ARMC8: variants seen among roughly 807,000 people sequenced by gnomAD.
The protein encoded by ARMC8 is armadillo repeat containing 8, also known as armadillo repeat-containing protein 8.
Under a neutral mutation model 99.3 loss-of-function variants are expected in ARMC8, and 20 were observed. The ratio of observed to expected loss-of-function variants is 0.20; its 90% CI spans 0.14 to 0.29. The LOEUF (loss-of-function observed/expected upper bound fraction) is 0.29, where lower values mean the gene tolerates loss of function less well. Ranked by LOEUF, ARMC8 falls within the 10% of genes least tolerant of loss-of-function variation. The pLI is 1.00. For missense variants in ARMC8, 569 were observed against 809.5 expected (o/e 0.70, Z 3.60); for synonymous variants, 263 against 278.3 (o/e 0.95, Z 0.55).
chr3:138,256,069 C>A (rs76653217), intron 12 of ARMC8, among the ~76,000 whole-genome samples: 2 of 152,232 alleles, frequency 1.3e-5, no homozygotes, highest in Non-Finnish European at 2.9e-5. Flanking sequence ...TACATTGGAG[C>A]AGTGGCACAG....
At chr3:138,250,766 T>C (rs79390513) in intron 12 of ARMC8, among the ~76,000 whole-genome samples, 2,031 of 152,332 alleles carry the variant, frequency 0.013, 44 homozygotes, top group African/African-American at 0.045. Flanking sequence ...TGAACCAATG[T>C]AATTTTTTCT....
At chr3:138,196,776 A>G (rs2043758614) in intron 1 of ARMC8, among the ~76,000 whole-genome samples, 1 of 152,166 alleles carries the variant, frequency 6.6e-6, no homozygotes. Flanking sequence ...CTGAGGCAGG[A>G]GAATTGCTTG....
chr3:138,266,966 G>A (rs114570711), intron 14 of ARMC8, among the ~76,000 whole-genome samples, 189 bp from the exon 15 acceptor site: 1,828 of 152,278 alleles, frequency 0.012, 46 homozygotes, highest in African/African-American at 0.042. Flanking sequence ...ATTTGAGGGC[G>A]TTAGTCCGTC....
chr3:138,241,875 A>T lies in ARMC8; in HGVS notation c.930A>T (p.Pro310=). The T allele has an allele frequency of 3.7e-6, 6 of 1,614,136 alleles. No individual in the cohort carries two copies. The highest frequency in any genetic ancestry group is 5.1e-6 in the Non-Finnish European group (6 of 1,179,992). The change falls in exon 11 of 22, where the codon CCA becomes CCT. Residue 310 remains proline (P), a synonymous_variant. Coordinates refer to ENST00000469044, the MANE Select transcript of ARMC8 (RefSeq NM_001363941.2). ...AGACACTTGCCTATCTGATTGAACC[A>T]GATGTTGAGCTACAGAGAATCGCTA... ...GAETLAYLIE[P]DVELQRIASI... is the part of the protein sequence containing the mutation.
chr3:138,275,347 G>T (rs957242991), intron 18 of ARMC8, among the ~76,000 whole-genome samples: 3 of 152,098 alleles, frequency 2.0e-5, no homozygotes, highest in Non-Finnish European at 4.4e-5. Context: ...CACGAGGTCA[G>T]GAGATCGAGA....
intron 11 of ARMC8, among the ~76,000 whole-genome samples, chr3:138,244,125 T>G (rs2046765889): frequency 6.6e-6 from 1 of 152,178 alleles, no homozygotes; most frequent in Non-Finnish European, 1.5e-5. Flanking sequence ...TGCTTCATGC[T>G]GATAATTTTG....
intron 18 of ARMC8, among the ~76,000 whole-genome samples, chr3:138,277,051 A>G (rs2049361800): frequency 6.6e-6 from 1 of 152,228 alleles, no homozygotes; most frequent in Admixed American, 6.5e-5. Flanking sequence ...TAATGAAGAC[A>G]GTATGGTCTT....
intron 18 of ARMC8, among the ~76,000 whole-genome samples, chr3:138,275,359 C>G (rs564616024): frequency 3.7e-4 from 56 of 152,112 alleles, no homozygotes; most frequent in Non-Finnish European, 7.4e-4. Context: ...AGATCGAGAC[C>G]ATCCTGGCTA....
At chr3:138,202,118 A>T (rs1231473326) in intron 1 of ARMC8, among the ~76,000 whole-genome samples, 1 of 152,166 alleles carries the variant, frequency 6.6e-6, no homozygotes, top group East Asian at 1.9e-4. Context: ...TCTCTCCCCA[A>T]ACCAGGATTT....
chr3:138,276,097 G>A (rs1486709079), intron 18 of ARMC8, among the ~76,000 whole-genome samples: 1 of 152,108 alleles, frequency 6.6e-6, no homozygotes, highest in Non-Finnish European at 1.5e-5. Flanking sequence ...TTTGAATGAG[G>A]GCAAAATGAA....
intron 14 of ARMC8, among the ~76,000 whole-genome samples, chr3:138,266,168 CT>C (rs1223543663): frequency 6.6e-6 from 1 of 152,188 alleles, no homozygotes. Flanking sequence ...GAGTTTCACT[CT>C]TTTTCACCCT....
chr3:138,241,989 T>C lies in ARMC8; in HGVS notation c.1038+6T>C. Reference sequence around the variant, plus strand: ...CCATCACTGATATTAAAAGGGTATGTTATTTTCCTTTTTTAGCAGCTCAAG... The same window carrying C: ...CCATCACTGATATTAAAAGGGTATGCTATTTTCCTTTTTTAGCAGCTCAAG... On this transcript the variant is annotated splice_donor_region_variant and intron_variant, in intron 11 of 21. Coordinates refer to ENST00000469044, the MANE Select transcript of ARMC8 (RefSeq NM_001363941.2). 1 of 1,612,454 alleles carries C rather than the reference T, an allele frequency of 6.2e-7. No individual in the cohort carries two copies. The highest frequency in any genetic ancestry group is 8.5e-7 in the Non-Finnish European group (1 of 1,178,820).
At position 138,216,045 on chromosome 3, in the gene ARMC8, A is replaced by ATTTT. The variant is rs755521341; in HGVS notation, c.123-5862_123-5859dup. Among the ~76,000 whole-genome samples, 3 of 128,536 alleles carry ATTTT rather than the reference A, an allele frequency of 2.3e-5. No homozygotes were observed. The East Asian group carries it at 6.6e-4, about 28-fold the overall frequency. The allele number at this position is 128,536 out of a possible 152,430, so 84.3% of individuals were successfully genotyped here. ...TACTGCATGCCACCATGCCCAGCTA[A>ATTTT]TTTTTTTTTTTTTTTTTTTTTTAAG... On this transcript the variant is annotated intron_variant, in intron 2 of 21. Coordinates refer to ENST00000469044, the MANE Select transcript of ARMC8 (RefSeq NM_001363941.2).
intron 12 of ARMC8, among the ~76,000 whole-genome samples, chr3:138,258,859 C>T (rs1353788787): frequency 6.6e-6 from 1 of 152,250 alleles, no homozygotes; most frequent in African/African-American, 2.4e-5. Flanking sequence ...AGATGGCCTC[C>T]TCCACTCTGA....
intron 1 of ARMC8, among the ~76,000 whole-genome samples, chr3:138,190,064 A>G (rs1304824772): frequency 1.3e-5 from 2 of 150,834 alleles, no homozygotes; most frequent in African/African-American, 2.4e-5. Context: ...CTCATTCAGG[A>G]CTTTGTTGTT....
In ARMC8 at chr3:138,246,452, G is replaced by A. The variant is rs1178078862; in HGVS notation, c.1134+1269G>A. On this transcript the variant is annotated intron_variant, in intron 12 of 21. Coordinates refer to ENST00000469044, the MANE Select transcript of ARMC8 (RefSeq NM_001363941.2). ...TGACGCCAATGTTCAGTTTGGGTAC[G>A]TTGGTGTATTGCAAGGGGAGAGGCT... The A allele has an allele frequency of 1.2e-5, 12 of 985,128 alleles. No individual in the cohort carries two copies. The Admixed American group carries it at 1.8e-4, about 15-fold the overall frequency. 61.0% of individuals were successfully genotyped at this position (985,128 alleles called of 1,614,324 possible). A position where few individuals can be genotyped will look rare whatever the true frequency, so the allele number is the denominator to read the frequency against.
chr3:138,236,639 CTG>C (rs1364989506), intron 7 of ARMC8, among the ~76,000 whole-genome samples: 1 of 152,076 alleles, frequency 6.6e-6, no homozygotes, highest in Non-Finnish European at 1.5e-5. Context: ...GCTACCTATC[CTG>C]TGAGTGCTTG....
chr3:138,258,626 A>AG (rs1220508363), intron 12 of ARMC8, among the ~76,000 whole-genome samples: 4 of 152,200 alleles, frequency 2.6e-5, no homozygotes, highest in Admixed American at 6.5e-5. Context: ...TCCCGATTAC[A>AG]GGGGGCTCAG....
chr3:138,262,377 T>A, intron 12 of ARMC8: 1 of 795,680 alleles, frequency 1.3e-6, no homozygotes, highest in Non-Finnish European at 2.0e-6. Context: ...AAATTACCAT[T>A]CCTAATCTAC....
Sources: gnomAD v4.1 joint callset for allele counts (sites outside exome capture counted in the v4.1 genomes callset) on GRCh38, gnomAD v4.1.1 for gene constraint, MANE v1.5 for transcripts, NCBI Gene and HGNC (gene_info 2026-07-23, HGNC 2026-07-21) for gene names.